Variants in ZBTB46 observed in about 807,000 individuals in gnomAD.
The protein encoded by ZBTB46 is zinc finger and BTB domain-containing protein 46.
Under a neutral mutation model 44.1 loss-of-function variants are expected in ZBTB46, and 8 were observed. The observed-to-expected ratio is 0.18, with a 90% CI of 0.11 to 0.33. The LOEUF (loss-of-function observed/expected upper bound fraction) is 0.33, where lower values mean the gene tolerates loss of function less well. Ranked by LOEUF, ZBTB46 falls within the 10% of genes least tolerant of loss-of-function variation. The pLI is 1.00. For synonymous variants in ZBTB46, 409 were observed against 382.3 expected (o/e 1.07, Z -0.81); for missense variants, 651 against 847.7 (o/e 0.77, Z 2.88).
chr20:63,814,271 A>C (rs1337341914), intron 1 of ZBTB46, among the ~76,000 whole-genome samples: 2 of 151,808 alleles, frequency 1.3e-5, no homozygotes, highest in Non-Finnish European at 2.9e-5. Flanking sequence ...AGAAAGGAAA[A>C]AGAAAAAACA....
At chr20:63,759,328 A>C (rs1266138692) in intron 3 of ZBTB46, among the ~76,000 whole-genome samples, 1 of 152,156 alleles carries the variant, frequency 6.6e-6, no homozygotes, top group Non-Finnish European at 1.5e-5. Flanking sequence ...TGAATGTTCT[A>C]TATGCATAGT....
intron 1 of ZBTB46, among the ~76,000 whole-genome samples, chr20:63,813,457 A>AAT (rs56670391): frequency 7.9e-6 from 1 of 126,764 alleles, no homozygotes; most frequent in Non-Finnish European, 1.7e-5. Context: ...CAAAAAAAAA[A>AAT]AATAAATAAA....
At chr20:63,753,439 A>G (rs931619137) in intron 3 of ZBTB46, among the ~76,000 whole-genome samples, 3 of 152,134 alleles carry the variant, frequency 2.0e-5, no homozygotes, top group African/African-American at 4.8e-5. Flanking sequence ...CTGAGACCCA[A>G]CGTCACTCAG....
At chr20:63,822,673 C>T (rs949952960) in intron 1 of ZBTB46, among the ~76,000 whole-genome samples, 15 of 152,076 alleles carry the variant, frequency 9.9e-5, no homozygotes, top group African/African-American at 3.4e-4. Flanking sequence ...ACGGCCAACC[C>T]GGCAAGCACG....
In ZBTB46 at chr20:63,790,516, T is replaced by C; in HGVS notation, c.242A>G (p.Gln81Arg). Residue 81 changes from glutamine to arginine, a missense_variant, in exon 2 of 5, where the codon CAG becomes CGG. This residue lies in a region of ZBTB46 where 65 missense variants were observed against 167.9 expected (regional missense o/e 0.39). Coordinates refer to ENST00000245663, the MANE Select transcript of ZBTB46 (RefSeq NM_001369741.1). ...TVTHLDIVTA[Q>R]GFKAIIDFMY... ...GAAGTCGATGATGGCCTTGAAGCCC[T>C]GGGCCGTGACGATGTCCAGGTGCGT... is the stretch of plus-strand genomic sequence containing the variant. The C allele has an allele frequency of 6.2e-7, 1 of 1,612,944 alleles. No individual in the cohort carries two copies. Among genetic ancestry groups the C allele is most frequent in the Non-Finnish European group, 8.5e-7 (1 of 1,179,394 alleles).
chr20:63,763,966 CTTTT>C (rs1241700270), intron 3 of ZBTB46, among the ~76,000 whole-genome samples: 1 of 151,842 alleles, frequency 6.6e-6, no homozygotes, highest in Non-Finnish European at 1.5e-5. Flanking sequence ...TTTCTTTTTT[CTTTT>C]TCTTTTTTTT....
At chr20:63,788,722 C>G (rs935851693) in intron 2 of ZBTB46, among the ~76,000 whole-genome samples, 1 of 151,968 alleles carries the variant, frequency 6.6e-6, no homozygotes, top group East Asian at 2.0e-4. Context: ...GCCTGTAATC[C>G]CCAGCTAATC....
At chr20:63,762,679 A>AAC (rs112343200) in intron 3 of ZBTB46, among the ~76,000 whole-genome samples, 67,723 of 143,180 alleles carry the variant, frequency 0.47, 15,905 homozygotes, top group African/African-American at 0.59. Context: ...CAAACAAACA[A>AAC]AAAAAAAACC....
At chr20:63,773,593 C>T (rs756465615) in intron 3 of ZBTB46, among the ~76,000 whole-genome samples, 7 of 152,034 alleles carry the variant, frequency 4.6e-5, no homozygotes, top group East Asian at 1.9e-4. Flanking sequence ...AAAAGGCGCT[C>T]GGAGGGGAGG....
chr20:63,749,347 A>ATTTT (rs1265057549), intron 4 of ZBTB46, among the ~76,000 whole-genome samples: 2 of 151,692 alleles, frequency 1.3e-5, no homozygotes, highest in African/African-American at 4.9e-5. Flanking sequence ...TTATTTATTT[A>ATTTT]TTTTTTTGAA....
chr20:63,759,652 C>A (rs927478699), intron 3 of ZBTB46, among the ~76,000 whole-genome samples: 4 of 152,180 alleles, frequency 2.6e-5, no homozygotes, highest in African/African-American at 9.7e-5. Context: ...CAGCCCTGCA[C>A]ACACAACCCG....
chr20:63,773,658 C>T (rs1270435610), intron 3 of ZBTB46, among the ~76,000 whole-genome samples: 1 of 148,328 alleles, frequency 6.7e-6, no homozygotes, highest in Non-Finnish European at 1.5e-5. Context: ...CATGTGCCAC[C>T]GGCCGCACCC....
intron 1 of ZBTB46, among the ~76,000 whole-genome samples, chr20:63,829,805 G>C (rs1458749456): frequency 6.6e-6 from 1 of 152,236 alleles, no homozygotes. Context: ...TGCAGAGGCA[G>C]CGTGAGTGCC....
intron 4 of ZBTB46, among the ~76,000 whole-genome samples, chr20:63,750,748 C>CA (rs1398083057): frequency 1.3e-5 from 2 of 151,936 alleles, no homozygotes. Flanking sequence ...CCACAAAACG[C>CA]AAAAATTAGC....
chr20:63,805,282 C>T (rs986588183), intron 1 of ZBTB46, among the ~76,000 whole-genome samples: 1 of 152,130 alleles, frequency 6.6e-6, no homozygotes. Context: ...ATGTCTCATA[C>T]TAAGTGCTGA....
chr20:63,770,077 G>A (rs963236753), intron 3 of ZBTB46, among the ~76,000 whole-genome samples: 1 of 152,346 alleles, frequency 6.6e-6, no homozygotes. Flanking sequence ...GAGTGAGGGG[G>A]GTTACACCAG....
chr20:63,792,041 C>T (rs186359486), intron 1 of ZBTB46, among the ~76,000 whole-genome samples: 3 of 152,350 alleles, frequency 2.0e-5, no homozygotes, highest in Non-Finnish European at 4.4e-5. Flanking sequence ...CTCAACACGG[C>T]TTCTCCCGGT....
Position 63,746,887 on chromosome 20 carries a change from G to A in ZBTB46, c.*43C>T, listed in dbSNP as rs1338370162. On this transcript the variant is annotated 3_prime_UTR_variant, in exon 5 of 5. Coordinates refer to ENST00000245663, the MANE Select transcript of ZBTB46 (RefSeq NM_001369741.1). ...GGAGACCCACCGGACACACACACGG[G>A]TGGACGGAGCGAGGCAGCCACCGAC... 6.8e-7 allele frequency: 1 copy of A among 1,477,664 alleles called. No homozygotes were observed. Among genetic ancestry groups the A allele is most frequent in the Non-Finnish European group, 9.0e-7 (1 of 1,115,482 alleles). The allele number at this position is 1,477,664 out of a possible 1,614,324, so 91.5% of individuals were successfully genotyped here.
At chr20:63,756,108 T>C (rs562754201) in intron 3 of ZBTB46, among the ~76,000 whole-genome samples, 2 of 152,220 alleles carry the variant, frequency 1.3e-5, no homozygotes, top group East Asian at 3.9e-4. Context: ...AGAGCAGAGG[T>C]CTCTGGCCTC....
Sources: allele counts gnomAD v4.1 joint callset (sites outside exome capture counted in the v4.1 genomes callset), GRCh38; gene constraint gnomAD v4.1.1; regional missense constraint gnomAD v4.1.1; transcripts MANE v1.5; gene names NCBI Gene and HGNC (gene_info 2026-07-23, HGNC 2026-07-21).